Variants in APBB2 observed in about 807,000 individuals in gnomAD.
APBB2 encodes Fe65-like 1.
APBB2 carries 38 observed loss-of-function variants against 82.5 expected under a neutral mutation model. The observed-to-expected ratio is 0.46, with a 90% CI of 0.36 to 0.60. The LOEUF (loss-of-function observed/expected upper bound fraction) is 0.60, where lower values mean the gene tolerates loss of function less well. APBB2 is among the 20% of genes least tolerant of loss of function. The pLI is 0.00. For synonymous variants in APBB2, 341 were observed against 368.2 expected (o/e 0.93, Z 0.85); for missense variants, 772 against 972.3 (o/e 0.79, Z 2.74).
intron 12 of APBB2, chr4:40,879,922 C>T: frequency 1.3e-6 from 1 of 766,312 alleles, no homozygotes; most frequent in Non-Finnish European, 1.6e-6. Flanking sequence ...GAACTCCTAA[C>T]CTCAGGTGAT....
intron 7 of APBB2, among the ~76,000 whole-genome samples, chr4:40,937,492 T>C (rs1785670973): frequency 6.6e-6 from 1 of 152,214 alleles, no homozygotes; most frequent in East Asian, 1.9e-4. Context: ...TATGGAAACA[T>C]GAGTTAGATG....
intron 12 of APBB2, among the ~76,000 whole-genome samples, chr4:40,851,508 C>T (rs78619485): frequency 0.051 from 7,816 of 152,034 alleles, 342 homozygotes; most frequent in African/African-American, 0.12. Flanking sequence ...TCTGATACGA[C>T]AGAATCAGGC....
At chr4:41,010,707 G>A (rs1808096039) in intron 6 of APBB2, among the ~76,000 whole-genome samples, 1 of 152,062 alleles carries the variant, frequency 6.6e-6, no homozygotes, top group South Asian at 2.1e-4. Context: ...TGTATATAGT[G>A]GAATAGTATA....
Position 41,030,802 on chromosome 4 carries a change from T to TA in APBB2, c.19+2433dup, listed in dbSNP as rs1208225297. On this transcript the variant is annotated intron_variant, in intron 5 of 17. Coordinates refer to ENST00000508593, the MANE Select transcript of APBB2 (RefSeq NM_004307.2). ...ATCCATTCTGAAAGGGAAAAAATGT[T>TA]AAACAATAACAGGATCCTTAAAATA... Among the ~76,000 whole-genome samples the TA allele has an allele frequency of 2.6e-5, 4 of 152,190 alleles. No individual in the cohort carries two copies. In the East Asian group the frequency reaches 7.7e-4, roughly 29 times the overall value.
At chr4:40,925,667 T>G (rs1291753545) in intron 10 of APBB2, among the ~76,000 whole-genome samples, 1 of 152,168 alleles carries the variant, frequency 6.6e-6, no homozygotes, top group Non-Finnish European at 1.5e-5. Context: ...AAGAACTACA[T>G]GCAGCTGTAA....
chr4:41,211,287 C>T (rs1053914293), intron 1 of APBB2, among the ~76,000 whole-genome samples: 3 of 151,668 alleles, frequency 2.0e-5, no homozygotes, highest in African/African-American at 7.3e-5. Context: ...ATACTAGGCA[C>T]TGAACAAATG....
At chr4:41,059,943 C>T (rs929111094) in intron 4 of APBB2, among the ~76,000 whole-genome samples, 4 of 151,592 alleles carry the variant, frequency 2.6e-5, no homozygotes, top group Non-Finnish European at 1.5e-5. Context: ...TCGTGCCACT[C>T]CACTCCAGCC....
intron 5 of APBB2, among the ~76,000 whole-genome samples, chr4:41,017,499 G>C (rs16852699): frequency 6.6e-6 from 1 of 152,122 alleles, no homozygotes; most frequent in Non-Finnish European, 1.5e-5. Context: ...TCAGGGTCAA[G>C]GAGAGAAAGG....
At chr4:41,123,866 G>A (rs1354768271) in intron 2 of APBB2, among the ~76,000 whole-genome samples, 1 of 151,936 alleles carries the variant, frequency 6.6e-6, no homozygotes, top group Non-Finnish European at 1.5e-5. Flanking sequence ...AAAACCACAA[G>A]TAAATTTAAA....
At chr4:41,197,942 T>C in intron 1 of APBB2, among the ~76,000 whole-genome samples, 3 of 152,228 alleles carry the variant, frequency 2.0e-5, no homozygotes, top group African/African-American at 4.8e-5. Context: ...CTGGTTTCAT[T>C]TGATAATATA....
intron 12 of APBB2, among the ~76,000 whole-genome samples, chr4:40,865,788 C>T (rs2437320): frequency 0.7 from 106,226 of 152,150 alleles, 37,712 homozygotes; most frequent in African/African-American, 0.81. Context: ...TGAACAGATA[C>T]GTCACCAAAG....
At chr4:41,022,310 C>T (rs758295016) in intron 5 of APBB2, among the ~76,000 whole-genome samples, 4 of 152,124 alleles carry the variant, frequency 2.6e-5, no homozygotes, top group African/African-American at 4.8e-5. Flanking sequence ...AATGTTCTTG[C>T]GGTGATTCTA....
intron 12 of APBB2, among the ~76,000 whole-genome samples, chr4:40,870,703 A>G (rs916719746): frequency 6.6e-6 from 1 of 151,706 alleles, no homozygotes; most frequent in Non-Finnish European, 1.5e-5. Context: ...GGTATTATAT[A>G]CATATATGTG....
At chr4:41,140,180 G>A (rs1334868954) in intron 2 of APBB2, among the ~76,000 whole-genome samples, 6 of 152,146 alleles carry the variant, frequency 3.9e-5, no homozygotes, top group Admixed American at 6.6e-5. Flanking sequence ...TTACCTTGTC[G>A]TGTTAAAACT....
intron 6 of APBB2, among the ~76,000 whole-genome samples, chr4:41,011,516 C>T (rs572511688): frequency 2.0e-5 from 3 of 151,394 alleles, no homozygotes; most frequent in South Asian, 2.1e-4. Context: ...CTGCAACTTC[C>T]GCCTCATAGG....
Position 40,823,693 on chromosome 4 carries a change from G to A in APBB2, c.1883C>T (p.Ser628Leu). Reference protein sequence around the residue: ...MTSSNKEDWLSVNMNVADATV... With the variant: ...MTSSNKEDWLLVNMNVADATV... Reference sequence around the variant, plus strand: ...GGCATCAGCCACGTTCATGTTCACTGACAGCCAGTCCTCCTTGTTGGATGA... The same window carrying A: ...GGCATCAGCCACGTTCATGTTCACTAACAGCCAGTCCTCCTTGTTGGATGA... Residue 628 changes from serine to leucine, a missense_variant, in exon 16 of 18, where the codon TCA (serine) becomes TTA (leucine). Transcript: ENST00000508593. The A allele has an allele frequency of 6.2e-7, 1 of 1,614,036 alleles. No individual in the cohort carries two copies. The highest frequency in any genetic ancestry group is 8.5e-7 in the Non-Finnish European group (1 of 1,179,996).
intron 4 of APBB2, among the ~76,000 whole-genome samples, chr4:41,034,626 A>C (rs1718431562): frequency 6.6e-6 from 1 of 152,234 alleles, no homozygotes; most frequent in African/African-American, 2.4e-5. Context: ...CACCTGGCCA[A>C]AAAGGGTTTT....
chr4:40,869,418 AAT>A (rs1390472190), intron 12 of APBB2, among the ~76,000 whole-genome samples: 1 of 151,506 alleles, frequency 6.6e-6, no homozygotes, highest in Admixed American at 6.6e-5. Context: ...AGACCCCATC[AAT>A]ATGATTTTTT....
chr4:40,906,590 C>A (rs747834282), intron 10 of APBB2, among the ~76,000 whole-genome samples: 7 of 151,894 alleles, frequency 4.6e-5, no homozygotes, highest in Non-Finnish European at 1.0e-4. Flanking sequence ...CCATTTCCAG[C>A]GCTCTGATGT....
Sources: gnomAD v4.1 joint callset for allele counts (sites outside exome capture counted in the v4.1 genomes callset) on GRCh38, gnomAD v4.1.1 for gene constraint, MANE v1.5 for transcripts, NCBI Gene and HGNC (gene_info 2026-07-23, HGNC 2026-07-21) for gene names.